Variants in CCT7 observed in about 807,000 individuals in gnomAD.
The protein encoded by CCT7 is T-complex protein 1 subunit eta.
In CCT7, 16 loss-of-function variants were observed where a neutral mutation model predicts 56.6. The ratio of observed to expected loss-of-function variants is 0.28; its 90% CI spans 0.19 to 0.43. The LOEUF (loss-of-function observed/expected upper bound fraction) is 0.43, where lower values mean the gene tolerates loss of function less well. Among genes scored for constraint, CCT7 ranks in the 20% least tolerant of loss-of-function variants. The pLI, the probability that CCT7 is intolerant of heterozygous loss-of-function variation, is 1.00. For missense variants in CCT7, 519 were observed against 685.6 expected (o/e 0.76, Z 2.71); for synonymous variants, 262 against 254.8 (o/e 1.03, Z -0.27).
chr2:73,247,857 C>T lies in CCT7; in HGVS notation c.714C>T (p.Ala238=), dbSNP rs764120112. 1.9e-6 allele frequency: 3 copies of T among 1,614,108 alleles called. No homozygotes were observed. Among genetic ancestry groups the T allele is most frequent in the Non-Finnish European group, 2.5e-6 (3 of 1,180,012 alleles). The change falls in exon 7 of 12, where the codon GCC becomes GCT. Residue 238 remains alanine, a synonymous_variant. Transcript: ENST00000258091. ...QPKKYHNPKI[A]LLNVELELKA... ...AAAAGTACCACAATCCCAAGATTGC[C>T]CTTTTGAATGTCGAGCTCGAGTTGA...
intron 6 of CCT7, 128 bp downstream of exon 6, chr2:73,244,843 CA>C: frequency 1.6e-6 from 1 of 643,732 alleles, no homozygotes; most frequent in Admixed American, 3.2e-5. Context: ...GTCAGACTTA[CA>C]TTGTACTTTC....
In CCT7 at chr2:73,251,397, A is replaced by G; in HGVS notation, c.1375A>G (p.Asn459Asp). ...LCDNAGFDAT[N>D]ILNKLRARHA... ...TGACAATGCTGGCTTTGATGCCACA[A>G]ACATTCTCAACAAGCTGCGGGCTCG... The change falls in exon 11 of 12, where the codon AAC becomes GAC. Residue 459 changes from asparagine (N) to aspartate (D), a missense_variant. Coordinates refer to ENST00000258091, the MANE Select transcript of CCT7 (RefSeq NM_006429.4). The G allele has an allele frequency of 1.9e-6, 3 of 1,614,090 alleles. No individual in the cohort carries two copies. The highest frequency in any genetic ancestry group is 1.7e-4 in the Middle Eastern group (1 of 6,014).
chr2:73,236,899 T>C (rs1017803304), intron 1 of CCT7, among the ~76,000 whole-genome samples: 2 of 152,216 alleles, frequency 1.3e-5, no homozygotes, highest in Non-Finnish European at 2.9e-5. Flanking sequence ...CAAGCTCTTC[T>C]TGCATTGTGC....
chr2:73,249,640 A>G (rs1170041136), intron 8 of CCT7, among the ~76,000 whole-genome samples, 179 bp from the exon 9 acceptor site: 2 of 147,010 alleles, frequency 1.4e-5, no homozygotes, highest in Non-Finnish European at 3.0e-5. Flanking sequence ...TTTTAGTTCT[A>G]TTTTGTTTTT....
intron 3 of CCT7, 160 bp from the exon 4 acceptor site, chr2:73,242,844 G>T (rs967348533): frequency 1.3e-6 from 1 of 761,756 alleles, no homozygotes; most frequent in South Asian, 1.7e-5. Flanking sequence ...ACTACCATTA[G>T]CTTCTTTCTA....
At chr2:73,238,192 G>C (rs2103763495) in intron 1 of CCT7, among the ~76,000 whole-genome samples, 1 of 152,170 alleles carries the variant, frequency 6.6e-6, no homozygotes, top group East Asian at 1.9e-4. Flanking sequence ...TTTCTACAGT[G>C]GTTTTTGTTT....
intron 2 of CCT7, 197 bp from the exon 3 acceptor site, chr2:73,240,240 G>C (rs908738887): frequency 7.4e-6 from 3 of 406,428 alleles, no homozygotes; most frequent in Non-Finnish European, 1.3e-5. Context: ...GGAGTCTGTG[G>C]TCTGCAAAAG....
chr2:73,250,164 T>C, intron 9 of CCT7, 142 bp from the exon 10 acceptor site: 2 of 1,024,528 alleles, frequency 2.0e-6, no homozygotes, highest in South Asian at 1.5e-5. Context: ...TCCAAGAAAA[T>C]GTCTATAAGG....
In CCT7 at chr2:73,252,880, C is replaced by CA; in HGVS notation, c.*20dup. The CA allele has an allele frequency of 1.9e-6, 3 of 1,592,132 alleles. No individual in the cohort carries two copies. Among genetic ancestry groups the CA allele is most frequent in the Non-Finnish European group, 2.6e-6 (3 of 1,162,192 alleles). ...CCACTGAGAGGCACCCCACCCATCA[C>CA]ATGGCTGGCTGGCTGCTGGGTGCAC... On this transcript the variant is annotated 3_prime_UTR_variant, in exon 12 of 12. Coordinates refer to ENST00000258091, the MANE Select transcript of CCT7 (RefSeq NM_006429.4).
intron 2 of CCT7, 106 bp downstream of exon 2, chr2:73,239,902 C>A (rs2103769711): frequency 2.1e-6 from 2 of 957,542 alleles, no homozygotes; most frequent in East Asian, 2.6e-5. Flanking sequence ...CTTTTAAGAT[C>A]GTTGAAAGAT....
intron 7 of CCT7, 147 bp from the exon 8 acceptor site, chr2:73,248,844 C>A: frequency 1.5e-6 from 1 of 647,112 alleles, no homozygotes; most frequent in Non-Finnish European, 2.6e-6. Context: ...TTTGCTTGGA[C>A]TGAGGAGTAG....
intron 6 of CCT7, 89 bp from the exon 7 acceptor site, chr2:73,247,673 G>C (rs1687402225): frequency 1.8e-6 from 2 of 1,088,430 alleles, no homozygotes; most frequent in Non-Finnish European, 1.3e-6. Flanking sequence ...AGGCTCACAG[G>C]AATGGATAAG....
intron 1 of CCT7, chr2:73,239,336 G>C (rs1307022536): frequency 3.9e-6 from 1 of 258,414 alleles, no homozygotes; most frequent in Non-Finnish European, 7.4e-6. Flanking sequence ...AGTAAGGTCA[G>C]AAGTTGAAAA....
intron 7 of CCT7, 59 bp from the exon 8 acceptor site, chr2:73,248,932 C>T: frequency 2.1e-6 from 3 of 1,415,010 alleles, no homozygotes; most frequent in African/African-American, 1.4e-5. Flanking sequence ...ATATTTTACC[C>T]TACCGTATAT....
intron 1 of CCT7, among the ~76,000 whole-genome samples, chr2:73,238,621 A>G (rs923962363): frequency 1.3e-5 from 2 of 152,380 alleles, no homozygotes; most frequent in South Asian, 4.1e-4. Flanking sequence ...TAGCCTAGTA[A>G]CAAATTTAAC....
rs570831801 is a variant in CCT7, at chr2:73,243,058, G to A, written c.322G>A (p.Val108Met). The change falls in exon 4 of 12, where the codon GTG becomes ATG. Residue 108 changes from valine to methionine, a missense_variant. Coordinates refer to ENST00000258091, the MANE Select transcript of CCT7 (RefSeq NM_006429.4). Reference protein sequence around the residue: ...TLLAAEFLKQVKPYVEEGLHP... With the variant: ...TLLAAEFLKQMKPYVEEGLHP... Reference sequence around the variant, plus strand: ...GCTGGCTGCAGAGTTTCTGAAGCAGGTGAAACCCTATGTGGAGGAAGGTTT... The same window carrying A: ...GCTGGCTGCAGAGTTTCTGAAGCAGATGAAACCCTATGTGGAGGAAGGTTT... 2 of 1,613,894 alleles carry A rather than the reference G, an allele frequency of 1.2e-6. No individual in the cohort carries two copies. Among genetic ancestry groups the A allele is most frequent in the Non-Finnish European group, 1.7e-6 (2 of 1,179,888 alleles).
At chr2:73,242,437 G>A (rs1300345107) in intron 3 of CCT7, among the ~76,000 whole-genome samples, 4 of 151,934 alleles carry the variant, frequency 2.6e-5, no homozygotes, top group African/African-American at 4.8e-5. Flanking sequence ...CCGCCATCAC[G>A]CCCAGCTAAT....
At chr2:73,246,591 C>G (rs1447071609) in intron 6 of CCT7, among the ~76,000 whole-genome samples, 1 of 152,160 alleles carries the variant, frequency 6.6e-6, no homozygotes, top group Non-Finnish European at 1.5e-5. Flanking sequence ...TCTACATTCC[C>G]TATACAAAGC....
chr2:73,248,354 T>C (rs961324432), intron 7 of CCT7, among the ~76,000 whole-genome samples: 6 of 151,374 alleles, frequency 4.0e-5, no homozygotes, highest in Non-Finnish European at 8.8e-5. Context: ...AAGGGGTCTT[T>C]TTTTTTTTTC....
Sources: gnomAD v4.1 joint callset for allele counts (sites outside exome capture counted in the v4.1 genomes callset) on GRCh38, gnomAD v4.1.1 for gene constraint, MANE v1.5 for transcripts, NCBI Gene and HGNC (gene_info 2026-07-23, HGNC 2026-07-21) for gene names.